WDR82: variants seen among roughly 807,000 people sequenced by gnomAD.
The protein encoded by WDR82 is WD repeat domain 82.
A neutral mutation model predicts 36.1 loss-of-function variants in WDR82; 8 were observed. The ratio of observed to expected loss-of-function variants is 0.22; its 90% CI spans 0.13 to 0.40. WDR82 has a LOEUF of 0.40. Ranked by LOEUF, WDR82 falls within the 10% of genes least tolerant of loss-of-function variation. The pLI is 1.00. For missense variants in WDR82, 185 were observed against 400.5 expected (o/e 0.46, Z 4.59); for synonymous variants, 129 against 137.8 (o/e 0.94, Z 0.45).
chr3:52,257,883 T>G (rs1294200636), intron 8 of WDR82, among the ~76,000 whole-genome samples: 1 of 151,880 alleles, frequency 6.6e-6, no homozygotes, highest in Non-Finnish European at 1.5e-5. Context: ...TCCTGGGCTG[T>G]AAAAAGTAAG....
rs370221979 is a variant in WDR82 at position 52,261,479 on chromosome 3, C to T, written c.327G>A (p.Arg109=). The T allele has an allele frequency of 1.5e-5, 24 of 1,605,952 alleles. No homozygotes were observed. The African/African-American group carries it at 3.2e-4, about 22-fold the overall frequency. The change falls in exon 4 of 9, where the codon AGG becomes AGA. Residue 109 remains arginine (R), a splice_region_variant and synonymous_variant. Coordinates refer to ENST00000296490, the MANE Select transcript of WDR82 (RefSeq NM_025222.4). The stretch of plus-strand genomic sequence containing the variant: ...CAGGTGACATGGACAAGGCCACCAC[C>T]CTGCAATACATCGAGATAAATAGGA... ...YIRYFPGHSK[R]VVALSMSPVD...
At chr3:52,266,851 G>A in intron 3 of WDR82, 101 bp downstream of exon 3, 1 of 934,882 alleles carries the variant, frequency 1.1e-6, no homozygotes, top group Non-Finnish European at 1.7e-6. Flanking sequence ...CAGTAGTGAG[G>A]AAGTAGCTTC....
chr3:52,266,207 G>A (rs904796641), intron 3 of WDR82, among the ~76,000 whole-genome samples: 8 of 151,930 alleles, frequency 5.3e-5, no homozygotes, highest in African/African-American at 1.7e-4. Flanking sequence ...TTTTACATAG[G>A]GGCCCACTGA....
At chr3:52,258,489 A>C in intron 8 of WDR82, 47 bp downstream of exon 8, 1 of 1,611,116 alleles carries the variant, frequency 6.2e-7, no homozygotes. Flanking sequence ...CACCACCCCA[A>C]CTGGGAAGGG....
rs1699997188 is a variant in WDR82, at chr3:52,255,364, T to C, written c.*2126A>G. On this transcript the variant is annotated 3_prime_UTR_variant, in exon 9 of 9. Transcript: ENST00000296490. ...TGCTCTGGTTGCAGATATGTGAAGT[T>C]AGGTAGCCTTTCCTGTTAACCCATG... 1 of 152,172 alleles carries C rather than the reference T, an allele frequency of 6.6e-6. No individual in the cohort carries two copies. The highest frequency in any genetic ancestry group is 2.1e-4 in the South Asian group (1 of 4,828). 9.4% of individuals were successfully genotyped at this position (152,172 alleles called of 1,614,324 possible). A position where few individuals can be genotyped will look rare whatever the true frequency, so the allele number is the denominator to read the frequency against.
intron 3 of WDR82, among the ~76,000 whole-genome samples, chr3:52,262,344 A>G (rs964459134): frequency 4.6e-5 from 7 of 152,372 alleles, no homozygotes; most frequent in African/African-American, 1.7e-4. Context: ...TTGCAAATAT[A>G]GTAAAAACCA....
At chr3:52,275,487 G>C (rs938403361) in intron 1 of WDR82, among the ~76,000 whole-genome samples, 1 of 152,182 alleles carries the variant, frequency 6.6e-6, no homozygotes, top group African/African-American at 2.4e-5. Flanking sequence ...ACAATTAATT[G>C]ATCAGAGAAA....
chr3:52,267,078 A>AT, intron 2 of WDR82, 60 bp from the exon 3 acceptor site: 1 of 1,371,074 alleles, frequency 7.3e-7, no homozygotes, highest in Non-Finnish European at 1.0e-6. Flanking sequence ...TTTACTTTAC[A>AT]TTTTCATCTT....
In WDR82 at chr3:52,260,402, G is replaced by A; in HGVS notation, c.526C>T (p.Leu176Phe). Residue 176 changes from leucine (L) to phenylalanine (F), a missense_variant, in exon 5 of 9, where the codon CTT (leucine) becomes TTT (phenylalanine). By Grantham distance (22) the Leu-to-Phe change is conservative (BLOSUM62 0). Coordinates refer to ENST00000296490, the MANE Select transcript of WDR82 (RefSeq NM_025222.4). ...AGATTTACCTTATCAAAAGAACGAA[G>A]GTCATAAAGCTTGACCATTTCAGAG... ...VNSEMVKLYD[L>F]RSFDKGPFAT... 4 of 1,566,668 alleles carry A rather than the reference G, an allele frequency of 2.6e-6. No homozygotes were observed. Among genetic ancestry groups the A allele is most frequent in the Non-Finnish European group, 3.4e-6 (4 of 1,164,304 alleles).
rs1699994914 is a variant in WDR82 at position 52,255,201 on chromosome 3, C to CA, written c.*2288dup. On this transcript the variant is annotated 3_prime_UTR_variant, in exon 9 of 9. Coordinates refer to ENST00000296490, the MANE Select transcript of WDR82 (RefSeq NM_025222.4). ...CGGTGATCCGCCCGCCTCGGCCTCC[C>CA]AAAGTGCTGGGATTACAGGTGTGAG... is the stretch of plus-strand genomic sequence containing the variant. 6.6e-6 allele frequency: 1 copy of CA among 152,192 alleles called. No individual in the cohort carries two copies. 9.4% of individuals were successfully genotyped at this position (152,192 alleles called of 1,614,324 possible). A position where few individuals can be genotyped will look rare whatever the true frequency, so the allele number is the denominator to read the frequency against.
Position 52,255,038 on chromosome 3 carries a change from G to A in WDR82, c.*2452C>T, listed in dbSNP as rs1220653969. The A allele has an allele frequency of 6.6e-6, 1 of 151,942 alleles. No homozygotes were observed. Among genetic ancestry groups the A allele is most frequent in the South Asian group, 2.1e-4 (1 of 4,808 alleles). 9.4% of individuals were successfully genotyped at this position (151,942 alleles called of 1,614,324 possible). A position where few individuals can be genotyped will look rare whatever the true frequency, so the allele number is the denominator to read the frequency against. On this transcript the variant is annotated 3_prime_UTR_variant, in exon 9 of 9. Transcript: ENST00000296490. ...ACTCACCGCAACCTCCGCCTCCTGG[G>A]TTCAAGCAATTCTCCTGCCTCAGCC...
At chr3:52,268,447 C>T (rs542312900) in intron 2 of WDR82, 1 of 411,572 alleles carries the variant, frequency 2.4e-6, no homozygotes, top group East Asian at 7.4e-5. Flanking sequence ...ACAGCAGAGG[C>T]TTGGCAGCAA....
In WDR82 at chr3:52,258,540, T is replaced by C. The variant is rs1700031924; in HGVS notation, c.908A>G (p.Asn303Ser). The change falls in exon 8 of 9, where the codon AAC (asparagine) becomes AGC (serine). Residue 303 changes from asparagine to serine, a missense_variant. Physicochemically the swap from Asn to Ser is conservative, Grantham distance 46. Coordinates refer to ENST00000296490, the MANE Select transcript of WDR82 (RefSeq NM_025222.4). ...TACCTCTTACTGTTCACATACCATGTTGGAACACGCACTGGCAAAAGTCAT... is the reference window on the plus strand; with the variant it reads ...TACCTCTTACTGTTCACATACCATGCTGGAACACGCACTGGCAAAAGTCAT... ...KFMTFASACSNMAFWLPTIDD is the reference protein window; with the variant it reads ...KFMTFASACSSMAFWLPTIDD The C allele has an allele frequency of 1.9e-6, 3 of 1,613,542 alleles. No homozygotes were observed. The highest frequency in any genetic ancestry group is 1.3e-5 in the African/African-American group (1 of 74,906).
Position 52,257,232 on chromosome 3 carries a change from T to C in WDR82, c.*258A>G. The stretch of plus-strand genomic sequence containing the variant: ...ACCAAATCGTGAGTCTGGTCACTCC[T>C]CCAGCAGAGCTTGGTGCAGTGACAG... On this transcript the variant is annotated 3_prime_UTR_variant, in exon 9 of 9. Transcript: ENST00000296490. 1 of 555,984 alleles carries C rather than the reference T, an allele frequency of 1.8e-6. No homozygotes were observed. Among genetic ancestry groups the C allele is most frequent in the East Asian group, 3.1e-5 (1 of 32,510 alleles). The allele number at this position is 555,984 out of a possible 1,614,324, so 34.4% of individuals were successfully genotyped here.
rs1400571534 is a variant in WDR82 at position 52,255,356 on chromosome 3, T to G, written c.*2134A>C. 1.3e-5 allele frequency: 2 copies of G among 152,156 alleles called. No individual in the cohort carries two copies. Among genetic ancestry groups the G allele is most frequent in the African/African-American group, 4.8e-5 (2 of 41,426 alleles). 9.4% of individuals were successfully genotyped at this position (152,156 alleles called of 1,614,324 possible). The stretch of plus-strand genomic sequence containing the variant: ...TTGGTGGCTGCTCTGGTTGCAGATA[T>G]GTGAAGTTAGGTAGCCTTTCCTGTT... On this transcript the variant is annotated 3_prime_UTR_variant, in exon 9 of 9. Coordinates refer to ENST00000296490, the MANE Select transcript of WDR82 (RefSeq NM_025222.4).
intron 3 of WDR82, among the ~76,000 whole-genome samples, chr3:52,263,201 C>T (rs769561887): frequency 2.6e-5 from 4 of 152,194 alleles, no homozygotes; most frequent in Non-Finnish European, 5.9e-5. Context: ...AGCCCAAGAG[C>T]TCAGCACAAG....
Position 52,278,297 on chromosome 3 carries a change from T to A in WDR82, c.65A>T (p.Asp22Val). The A allele has an allele frequency of 6.2e-7, 1 of 1,609,710 alleles. No homozygotes were observed. The highest frequency in any genetic ancestry group is 8.5e-7 in the Non-Finnish European group (1 of 1,178,548). Residue 22 changes from aspartate to valine, a missense_variant, in exon 1 of 9, where the codon GAC (aspartate) becomes GTC (valine). By Grantham distance (152) the Asp-to-Val change is radical. Coordinates refer to ENST00000296490, the MANE Select transcript of WDR82 (RefSeq NM_025222.4). Reference protein sequence around the residue: ...RVAKVFRENSDKINCFDFSPN... With the variant: ...RVAKVFRENSVKINCFDFSPN... ...GCTGAAATCGAAGCAGTTAATCTTGTCCGAGTTTTCGCGGAACACCTTAGC... is the reference window on the plus strand; with the variant it reads ...GCTGAAATCGAAGCAGTTAATCTTGACCGAGTTTTCGCGGAACACCTTAGC...
chr3:52,264,200 G>A (rs1700086275), intron 3 of WDR82, among the ~76,000 whole-genome samples: 1 of 152,126 alleles, frequency 6.6e-6, no homozygotes, highest in Non-Finnish European at 1.5e-5. Context: ...TAGGTGGAAG[G>A]CGGGTCTGAA....
chr3:52,265,726 C>G (rs1050309482), intron 3 of WDR82, among the ~76,000 whole-genome samples: 1 of 152,108 alleles, frequency 6.6e-6, no homozygotes, highest in Non-Finnish European at 1.5e-5. Flanking sequence ...CAGGCGCACA[C>G]CACCACTCCT....
Sources: gnomAD v4.1 joint callset for allele counts (sites outside exome capture counted in the v4.1 genomes callset) on GRCh38, gnomAD v4.1.1 for gene constraint, MANE v1.5 for transcripts, NCBI Gene and HGNC (gene_info 2026-07-23, HGNC 2026-07-21) for gene names.